ADAMTS18: variants seen among roughly 807,000 people sequenced by gnomAD.
ADAMTS18 encodes ADAM metallopeptidase with thrombospondin type 1 motif 18, also known as A disintegrin and metalloproteinase with thrombospondin motifs 18.
Under a neutral mutation model 165.9 loss-of-function variants are expected in ADAMTS18, and 157 were observed. That is an observed-to-expected ratio of 0.95 (90% CI 0.83 to 1.08). The LOEUF (loss-of-function observed/expected upper bound fraction) is 1.08. ADAMTS18 is among the 50% of genes least tolerant of loss of function. ADAMTS18 has a pLI of 0.00. For synonymous variants in ADAMTS18, 782 were observed against 578.2 expected (o/e 1.35, Z -5.06); for missense variants, 2,040 against 1,534.0 (o/e 1.33, Z -5.51).
chr16:77,412,275 C>G (rs2057474786), intron 3 of ADAMTS18, among the ~76,000 whole-genome samples: 1 of 152,142 alleles, frequency 6.6e-6, no homozygotes, highest in South Asian at 2.1e-4. Flanking sequence ...CTCAACGAGT[C>G]TTGGGACTTC....
At chr16:77,357,489 C>CTATA in intron 8 of ADAMTS18, among the ~76,000 whole-genome samples, 1 of 152,274 alleles carries the variant, frequency 6.6e-6, no homozygotes, top group Middle Eastern at 3.4e-3. Flanking sequence ...GGGAGACACC[C>CTATA]TTTCTAAATA....
At chr16:77,322,728 G>A (rs1178407184) in intron 13 of ADAMTS18, among the ~76,000 whole-genome samples, 3 of 152,216 alleles carry the variant, frequency 2.0e-5, no homozygotes, top group East Asian at 1.9e-4. Context: ...ACACATGATC[G>A]ATGGGTTACT....
At chr16:77,318,755 CT>C (rs905653511) in intron 16 of ADAMTS18, among the ~76,000 whole-genome samples, 18 of 151,270 alleles carry the variant, frequency 1.2e-4, no homozygotes, top group Non-Finnish European at 2.1e-4. Context: ...GTCTTTTAAT[CT>C]TTTTTTTTCA....
At chr16:77,366,733 T>C (rs2056800556) in intron 4 of ADAMTS18, among the ~76,000 whole-genome samples, 1 of 152,214 alleles carries the variant, frequency 6.6e-6, no homozygotes, top group Admixed American at 6.5e-5. Flanking sequence ...AATCGACTGG[T>C]TTAAGTGCTG....
chr16:77,324,370 G>A (rs2056057497), intron 13 of ADAMTS18, among the ~76,000 whole-genome samples: 2 of 152,244 alleles, frequency 1.3e-5, no homozygotes, highest in African/African-American at 2.4e-5. Flanking sequence ...CTAGTGATGG[G>A]GACCTTGTTA....
At chr16:77,409,845 G>C (rs2057438285) in intron 3 of ADAMTS18, among the ~76,000 whole-genome samples, 1 of 152,076 alleles carries the variant, frequency 6.6e-6, no homozygotes, top group Non-Finnish European at 1.5e-5. Context: ...CCAATGTATA[G>C]AGACGTTTAT....
intron 22 of ADAMTS18, among the ~76,000 whole-genome samples, 166 bp downstream of exon 22, chr16:77,289,095 TCCC>T (rs1280188079): frequency 6.6e-6 from 1 of 152,156 alleles, no homozygotes; most frequent in Non-Finnish European, 1.5e-5. Context: ...GACAGCAACT[TCCC>T]CAGAGTGGTG....
At chr16:77,397,110 G>C (rs370948666) in intron 3 of ADAMTS18, among the ~76,000 whole-genome samples, 4 of 151,982 alleles carry the variant, frequency 2.6e-5, no homozygotes, top group East Asian at 3.9e-4. Context: ...CGGCCGGCCT[G>C]GATTGCTTTC....
chr16:77,382,432 G>A (rs1407500040), intron 3 of ADAMTS18, among the ~76,000 whole-genome samples: 6 of 152,136 alleles, frequency 3.9e-5, no homozygotes, highest in Admixed American at 2.0e-4. Flanking sequence ...GGATGGTCTC[G>A]ATCTCCTGAC....
intron 16 of ADAMTS18, among the ~76,000 whole-genome samples, chr16:77,315,961 A>G (rs2055879673): frequency 6.6e-6 from 1 of 152,184 alleles, no homozygotes; most frequent in Admixed American, 6.5e-5. Context: ...ACCTGTTTCC[A>G]GTCATCCTCA....
chr16:77,409,968 A>C (rs2057440196), intron 3 of ADAMTS18, among the ~76,000 whole-genome samples: 1 of 152,070 alleles, frequency 6.6e-6, no homozygotes, highest in Non-Finnish European at 1.5e-5. Context: ...AAATTGACTC[A>C]CCCGATACTA....
At chr16:77,316,317 C>G (rs1224101248) in intron 16 of ADAMTS18, among the ~76,000 whole-genome samples, 1 of 151,214 alleles carries the variant, frequency 6.6e-6, no homozygotes, top group African/African-American at 2.4e-5. Context: ...TGCAGTAGTG[C>G]AATCTCGGCT....
rs149892615 is a variant in ADAMTS18, at chr16:77,287,795, T to A, written c.3550+1469A>T. On this transcript the variant is annotated intron_variant, in intron 22 of 22. Transcript: ENST00000282849. ...CCAAGCTCCTCTTTTAATAAGCCAT[T>A]TCTCATATGCACCCTATGACTCCCC... Among the ~76,000 whole-genome samples the A allele has an allele frequency of 2.6e-5, 4 of 152,208 alleles. No homozygotes were observed. The East Asian group carries it at 5.8e-4, about 22-fold the overall frequency.
chr16:77,394,871 G>A (rs1398360790), intron 3 of ADAMTS18, among the ~76,000 whole-genome samples: 1 of 152,160 alleles, frequency 6.6e-6, no homozygotes, highest in Non-Finnish European at 1.5e-5. Flanking sequence ...TGAGCCAACT[G>A]GGCCATCCTC....
chr16:77,357,783 G>T (rs1319107490), intron 8 of ADAMTS18, among the ~76,000 whole-genome samples: 1 of 152,120 alleles, frequency 6.6e-6, no homozygotes, highest in Non-Finnish European at 1.5e-5. Context: ...GGAATTGTCT[G>T]TTTCAGAACT....
intron 10 of ADAMTS18, among the ~76,000 whole-genome samples, chr16:77,347,013 G>A (rs1020057140): frequency 6.6e-5 from 10 of 152,244 alleles, no homozygotes; most frequent in Admixed American, 3.3e-4. Flanking sequence ...GTCACCAATA[G>A]GTGAGTGTTG....
At chr16:77,308,186 G>A (rs73630468) in intron 16 of ADAMTS18, among the ~76,000 whole-genome samples, 1,584 of 152,170 alleles carry the variant, frequency 0.01, 34 homozygotes, top group African/African-American at 0.036. Flanking sequence ...TAACATAAAC[G>A]AGAGCTTTTC....
Position 77,300,334 on chromosome 16 carries a change from G to A in ADAMTS18, c.2603C>T (p.Pro868Leu), listed in dbSNP as rs775836048. ...ATAGGCAGGTCTTTTTGTGGCTGGT[G>A]GAGTTCCATTCATGACCTTGGGAAG... The part of the protein sequence containing the change: ...YALPKVMNGT[P>L]PATKRPAYTW... The change falls in exon 17 of 23, where the codon CCA becomes CTA. Residue 868 changes from proline (P) to leucine (L), a missense_variant. By Grantham distance (98) the Pro-to-Leu change is moderately conservative. Coordinates refer to ENST00000282849, the MANE Select transcript of ADAMTS18 (RefSeq NM_199355.4). 3 of 1,614,030 alleles carry A rather than the reference G, an allele frequency of 1.9e-6. No homozygotes were observed. Among genetic ancestry groups the A allele is most frequent in the Non-Finnish European group, 2.5e-6 (3 of 1,179,962 alleles).
chr16:77,367,385 G>A (rs533861311), intron 4 of ADAMTS18, 56 bp downstream of exon 4: 22 of 1,609,720 alleles, frequency 1.4e-5, no homozygotes, highest in Middle Eastern at 2.0e-4. Context: ...ACAGCACTCA[G>A]GAAAACCTGT....
Sources: allele counts gnomAD v4.1 joint callset (sites outside exome capture counted in the v4.1 genomes callset), GRCh38; gene constraint gnomAD v4.1.1; transcripts MANE v1.5; gene names NCBI Gene and HGNC (gene_info 2026-07-23, HGNC 2026-07-21).